The following LBP variants were observed in gnomAD, a reference collection of about 807,000 sequenced individuals.
The protein encoded by LBP is lipopolysaccharide binding protein.
A neutral mutation model predicts 56.6 loss-of-function variants in LBP; 53 were observed. That is an observed-to-expected ratio of 0.94 (90% CI 0.75 to 1.18). The LOEUF (loss-of-function observed/expected upper bound fraction) is 1.18, where lower values mean the gene tolerates loss of function less well. Among genes scored for constraint, LBP ranks in the 50% most tolerant of loss-of-function variants. LBP has a pLI of 0.00. For missense variants in LBP, 601 were observed against 598.3 expected, an observed-to-expected ratio of 1.00 and a Z score of -0.05; for synonymous variants, 227 against 247.5, an observed-to-expected ratio of 0.92 and a Z score of 0.78.
At position 38,360,778 on chromosome 20, in the gene LBP, C is replaced by A. The variant is rs2122609983; in HGVS notation, c.652+11C>A. 6.3e-7 allele frequency: 1 copy of A among 1,591,108 alleles called. No homozygotes were observed. The highest frequency in any genetic ancestry group is 8.6e-7 in the Non-Finnish European group (1 of 1,159,446). ...TCCAAACTCTGCCAGGTAGGACACC[C>A]CATCCATCCCGGGACACTTTTATTT... On this transcript the variant is annotated intron_variant, in intron 6 of 14. Transcript: ENST00000217407.
chr20:38,374,128 C>A lies in LBP; in HGVS notation c.1401+115C>A, dbSNP rs181707236. 1.5e-4 allele frequency: 160 copies of A among 1,089,242 alleles called. 1 individual carries two copies. The highest frequency in any genetic ancestry group is 1.4e-3 in the East Asian group (56 of 41,166). 67.5% of individuals were successfully genotyped at this position (1,089,242 alleles called of 1,614,324 possible). A position where few individuals can be genotyped will look rare whatever the true frequency, so the allele number is the denominator to read the frequency against. On this transcript the variant is annotated intron_variant, in intron 14 of 14. Transcript: ENST00000217407. ...AGCCCAGCCCTGCAGCTGGGAAAGT[C>A]TGGCCAGGGGCAGGACGGGTGCTCC... is the stretch of plus-strand genomic sequence containing the variant.
intron 1 of LBP, among the ~76,000 whole-genome samples, chr20:38,346,951 C>T (rs562862216): frequency 2.0e-5 from 3 of 152,228 alleles, no homozygotes; most frequent in South Asian, 4.1e-4. Context: ...GGGAGGGCAG[C>T]CAGGAGAGAG....
chr20:38,376,861 C>T lies in LBP; in HGVS notation c.*192C>T, dbSNP rs759014960. On this transcript the variant is annotated 3_prime_UTR_variant, in exon 15 of 15. Transcript: ENST00000217407. ...CATGCATGCCCTCTCTGAGTCTGGA[C>T]TTTGCTTCCCCTCCAGGAGGGACCA... 1.1e-5 allele frequency: 8 copies of T among 706,046 alleles called. No homozygotes were observed. The highest frequency in any genetic ancestry group is 1.8e-5 in the Non-Finnish European group (7 of 387,224). The allele number at this position is 706,046 out of a possible 1,614,324, so 43.7% of individuals were successfully genotyped here. A position where few individuals can be genotyped will look rare whatever the true frequency, so the allele number is the denominator to read the frequency against.
At chr20:38,346,745 G>C in intron 1 of LBP, 105 bp downstream of exon 1, 1 of 1,482,724 alleles carries the variant, frequency 6.7e-7, no homozygotes, top group African/African-American at 1.4e-5. Flanking sequence ...CCTCTCCCTG[G>C]GGCAGTGCCA....
At chr20:38,374,043 G>A (rs1369526066) in intron 14 of LBP, 30 bp downstream of exon 14, 2 of 1,602,174 alleles carry the variant, frequency 1.2e-6, no homozygotes, top group African/African-American at 1.3e-5. Flanking sequence ...CTCTGAGGAT[G>A]TGTGAGGGAG....
At chr20:38,375,350 A>G (rs1231463938) in intron 14 of LBP, among the ~76,000 whole-genome samples, 1 of 151,890 alleles carries the variant, frequency 6.6e-6, no homozygotes, top group East Asian at 1.9e-4. Flanking sequence ...TGGGAGGCCA[A>G]GGCGGGCAGA....
chr20:38,362,606 C>G (rs11536966), intron 6 of LBP, among the ~76,000 whole-genome samples: 1 of 150,834 alleles, frequency 6.6e-6, no homozygotes, highest in African/African-American at 2.4e-5. Flanking sequence ...GAACAAGACT[C>G]TGTCTCAACA....
chr20:38,363,379 T>G (rs2076868621), intron 6 of LBP, among the ~76,000 whole-genome samples: 1 of 152,218 alleles, frequency 6.6e-6, no homozygotes, highest in African/African-American at 2.4e-5. Context: ...TGCTGTCCCT[T>G]GCTATTGCCA....
Position 38,350,847 on chromosome 20 carries a change from G to T in LBP, c.276G>T (p.Ala92=), listed in dbSNP as rs5744203. Residue 92 remains alanine (A), a synonymous_variant, in exon 3 of 15, where the codon GCG becomes GCT. Coordinates refer to ENST00000217407, the MANE Select transcript of LBP (RefSeq NM_004139.5). ...NIHSCELLHS[A]LRPVPGQGLS... ...ACAGCTGTGAGCTGCTTCACTCTGCGCTGAGGCCTGTCCCTGGCCAGGGCC... is the reference window on the plus strand; with the variant it reads ...ACAGCTGTGAGCTGCTTCACTCTGCTCTGAGGCCTGTCCCTGGCCAGGGCC... 5 of 1,613,670 alleles carry T rather than the reference G, an allele frequency of 3.1e-6. No homozygotes were observed. The highest frequency in any genetic ancestry group is 2.2e-5 in the East Asian group (1 of 44,868).
At chr20:38,371,242 A>T (rs1302684798) in intron 11 of LBP, 38 bp from the exon 12 acceptor site, 1 of 1,590,412 alleles carries the variant, frequency 6.3e-7, no homozygotes, top group Non-Finnish European at 8.6e-7. Flanking sequence ...AAACTTGCAT[A>T]AAGCCCACAC....
intron 2 of LBP, 46 bp from the exon 3 acceptor site, chr20:38,350,765 G>A: frequency 6.4e-7 from 1 of 1,570,168 alleles, no homozygotes; most frequent in Non-Finnish European, 8.7e-7. Context: ...GGTGAGGCTG[G>A]GTCCAGGCCC....
At chr20:38,366,729 C>G in intron 8 of LBP, 40 bp from the exon 9 acceptor site, 12 of 1,587,282 alleles carry the variant, frequency 7.6e-6, no homozygotes, top group Non-Finnish European at 1.0e-5. Context: ...TCAGCTCCAG[C>G]GGGAGCACCC....
intron 14 of LBP, among the ~76,000 whole-genome samples, chr20:38,375,367 G>C (rs2083952496): frequency 6.6e-6 from 1 of 151,724 alleles, no homozygotes; most frequent in Admixed American, 6.6e-5. Context: ...CAGATCATGA[G>C]GTCAAAAGTT....
At chr20:38,360,256 T>A (rs547955234) in intron 5 of LBP, among the ~76,000 whole-genome samples, 1 of 114,262 alleles carries the variant, frequency 8.8e-6, no homozygotes, top group East Asian at 4.7e-4. Context: ...CGAGACTCCA[T>A]CTCAAAAAAA....
At chr20:38,353,193 T>G (rs956107664) in intron 3 of LBP, among the ~76,000 whole-genome samples, 1 of 152,198 alleles carries the variant, frequency 6.6e-6, no homozygotes, top group Non-Finnish European at 1.5e-5. Flanking sequence ...GAACATAAAA[T>G]TGATTATTTG....
chr20:38,371,450 GT>G, intron 12 of LBP, 128 bp downstream of exon 12: 1 of 690,188 alleles, frequency 1.4e-6, no homozygotes, highest in Admixed American at 2.8e-5. Context: ...CTGCAGAAGT[GT>G]AAAAGGTCTC....
At chr20:38,352,038 TAA>T (rs1326621621) in intron 3 of LBP, among the ~76,000 whole-genome samples, 32 of 120,000 alleles carry the variant, frequency 2.7e-4, no homozygotes, top group Admixed American at 3.5e-4. Context: ...ACTCCATCTC[TAA>T]AAAAAAAAAA....
chr20:38,355,234 A>C, intron 4 of LBP, 112 bp from the exon 5 acceptor site: 1 of 898,476 alleles, frequency 1.1e-6, no homozygotes, highest in Non-Finnish European at 1.9e-6. Context: ...GGCGCCGGGA[A>C]GGGGTGGAGA....
intron 3 of LBP, among the ~76,000 whole-genome samples, chr20:38,353,063 C>G (rs2076826038): frequency 6.6e-6 from 1 of 152,194 alleles, no homozygotes; most frequent in African/African-American, 2.4e-5. Flanking sequence ...GCCACACTCT[C>G]TTACCCTGGC....
Sources: allele counts gnomAD v4.1 joint callset (sites outside exome capture counted in the v4.1 genomes callset), GRCh38; gene constraint gnomAD v4.1.1; transcripts MANE v1.5; gene names NCBI Gene and HGNC (gene_info 2026-07-23, HGNC 2026-07-21).